The following IRF2 variants were observed in gnomAD, a reference collection of about 807,000 sequenced individuals.
IRF2 encodes interferon regulatory factor 2.
Under a neutral mutation model 40.6 loss-of-function variants are expected in IRF2, and 15 were observed. The ratio of observed to expected loss-of-function variants is 0.37; its 90% CI spans 0.25 to 0.57. IRF2 has a LOEUF of 0.57. IRF2 is among the 20% of genes least tolerant of loss of function. The probability of loss-of-function intolerance (pLI) is 0.77; values close to 1 mark genes in which losing one functional copy is unlikely to be tolerated. For missense variants in IRF2, 317 were observed against 455.7 expected, an observed-to-expected ratio of 0.70 and a Z score of 2.77; for synonymous variants, 151 against 165.5, an observed-to-expected ratio of 0.91 and a Z score of 0.67.
At chr4:184,394,322 G>A (rs1372198532) in intron 7 of IRF2, among the ~76,000 whole-genome samples, 1 of 152,160 alleles carries the variant, frequency 6.6e-6, no homozygotes, top group Non-Finnish European at 1.5e-5. Flanking sequence ...TTAACGCCTC[G>A]CTGAGGATAT....
At position 184,413,833 on chromosome 4, in the gene IRF2, T is replaced by A. The variant is rs1469606115; in HGVS notation, c.411+4334A>T. Among the ~76,000 whole-genome samples the A allele has an allele frequency of 6.6e-6, 1 of 152,208 alleles. No individual in the cohort carries two copies. The highest frequency in any genetic ancestry group is 2.4e-5 in the African/African-American group (1 of 41,448). On this transcript the variant is annotated intron_variant, in intron 5 of 8. Transcript: ENST00000393593. The surrounding 1 kb of genome is among the most constrained non-coding windows in gnomAD (Gnocchi z 4.2). ...ATTCGCCCCACCTACATGCCTGTATTTCCCATTGCCCTCTCACACAAACTC... is the reference window on the plus strand; with the variant it reads ...ATTCGCCCCACCTACATGCCTGTATATCCCATTGCCCTCTCACACAAACTC...
At chr4:184,435,957 T>A (rs572237641) in intron 1 of IRF2, among the ~76,000 whole-genome samples, 1 of 150,950 alleles carries the variant, frequency 6.6e-6, no homozygotes, top group East Asian at 2.0e-4. Flanking sequence ...CTGGAGCTTT[T>A]CTTTTTTCTT....
intron 7 of IRF2, among the ~76,000 whole-genome samples, chr4:184,394,647 T>C (rs1451897029): frequency 2.6e-5 from 4 of 151,776 alleles, no homozygotes; most frequent in Admixed American, 6.6e-5. Flanking sequence ...ACTCTCTCAT[T>C]ATAGCCAGTG....
In IRF2 at chr4:184,424,922, T is replaced by C. The variant is rs78936144; in HGVS notation, c.87+4056A>G. Among the ~76,000 whole-genome samples, 728 of 152,324 alleles carry C rather than the reference T, an allele frequency of 4.8e-3. 6 individuals carry two copies. Among genetic ancestry groups the C allele is most frequent in the African/African-American group, 0.017 (693 of 41,568 alleles). On this transcript the variant is annotated intron_variant, in intron 2 of 8. Coordinates refer to ENST00000393593, the MANE Select transcript of IRF2 (RefSeq NM_002199.4). ...TAACAGAACAAAAACACCACCAATG[T>C]TGCTCCCCTTCAAATCCATGACATT...
At chr4:184,436,544 T>G (rs1316238259) in intron 1 of IRF2, among the ~76,000 whole-genome samples, 1 of 152,210 alleles carries the variant, frequency 6.6e-6, no homozygotes, top group Non-Finnish European at 1.5e-5. Context: ...AGTTAGGTAG[T>G]TCATAAGGAA....
chr4:184,388,726 A>C lies in IRF2; in HGVS notation c.*32T>G, dbSNP rs375994580. 3.8e-5 allele frequency: 59 copies of C among 1,568,230 alleles called. No individual in the cohort carries two copies. The African/African-American group carries it at 8.0e-4, about 21-fold the overall frequency. On this transcript the variant is annotated 3_prime_UTR_variant, in exon 9 of 9. Transcript: ENST00000393593. This position sits in a 1 kb window ranked among gnomAD's most constrained non-coding sequence, Gnocchi z 4.6. Reference sequence around the variant, plus strand: ...AACAAACAACAAAACAAAGCCAAGAAGCCCCAACAACCACCGCGGAGAGTC... The same window carrying C: ...AACAAACAACAAAACAAAGCCAAGACGCCCCAACAACCACCGCGGAGAGTC...
intron 1 of IRF2, among the ~76,000 whole-genome samples, chr4:184,444,466 T>TA (rs1738431230): frequency 6.6e-6 from 1 of 152,160 alleles, no homozygotes; most frequent in Admixed American, 6.5e-5. Context: ...TGGTTTGCGG[T>TA]AAGGATTAAA....
Position 184,458,156 on chromosome 4 carries a change from C to A in IRF2, c.-7+16223G>T, listed in dbSNP as rs996112287. On this transcript the variant is annotated intron_variant, in intron 1 of 8. Transcript: ENST00000393593. ...TCAGAAGTCAGTGGTGAGGCACGCCCCAGTTTCTCTGGTCAAAGACGTAAT... is the reference window on the plus strand; with the variant it reads ...TCAGAAGTCAGTGGTGAGGCACGCCACAGTTTCTCTGGTCAAAGACGTAAT... 2.2e-4 allele frequency among the ~76,000 whole-genome samples: 33 copies of A among 152,338 alleles called. No homozygotes were observed. The East Asian group carries it at 6.2e-3, about 28-fold the overall frequency.
chr4:184,421,403 G>A (rs1206866997), intron 2 of IRF2, among the ~76,000 whole-genome samples: 1 of 152,112 alleles, frequency 6.6e-6, no homozygotes, highest in Non-Finnish European at 1.5e-5. Context: ...ATTTCAAAAG[G>A]ACAGTGATCA....
intron 6 of IRF2, among the ~76,000 whole-genome samples, chr4:184,404,860 TG>T (rs1470566751): frequency 6.6e-6 from 1 of 151,742 alleles, no homozygotes; most frequent in African/African-American, 2.4e-5. Context: ...GAGGCAAGAG[TG>T]GGACAGGGCA....
chr4:184,444,760 G>A (rs1017637414), intron 1 of IRF2, among the ~76,000 whole-genome samples: 2 of 152,188 alleles, frequency 1.3e-5, no homozygotes, highest in Non-Finnish European at 2.9e-5. Flanking sequence ...CATGCTACTT[G>A]CAACAGTGCA....
chr4:184,421,194 C>A (rs1283131600), intron 2 of IRF2, among the ~76,000 whole-genome samples: 2 of 152,206 alleles, frequency 1.3e-5, no homozygotes, highest in African/African-American at 4.8e-5. Context: ...AGATTCAGCG[C>A]CTCTCCACAG....
chr4:184,437,497 C>G (rs1400617864), intron 1 of IRF2, among the ~76,000 whole-genome samples: 3 of 152,098 alleles, frequency 2.0e-5, no homozygotes, highest in Non-Finnish European at 4.4e-5. Context: ...CCGTGCCCAG[C>G]CTATTATCAT....
chr4:184,447,745 C>T (rs921856011), intron 1 of IRF2, among the ~76,000 whole-genome samples: 8 of 152,190 alleles, frequency 5.3e-5, no homozygotes, highest in African/African-American at 1.9e-4. Context: ...TAACCAGAAA[C>T]GTCAACAAGC....
In IRF2 at chr4:184,398,953, A is replaced by C. The variant is rs1431255877; in HGVS notation, c.656T>G (p.Leu219Arg). 2 of 1,612,652 alleles carry C rather than the reference A, an allele frequency of 1.2e-6. No homozygotes were observed. Among genetic ancestry groups the C allele is most frequent in the African/African-American group, 2.7e-5 (2 of 74,780 alleles). ...SDEQPVSMSE[L>R]YPLQISPVSS... ...CACGGGGGAGATCTGCAGAGGGTAG[A>C]GCTCGCTCATGCTGACCGGCTGCTC... The change falls in exon 7 of 9, where the codon CTC (leucine) becomes CGC (arginine). Residue 219 changes from leucine to arginine, a missense_variant. This residue lies in a region of IRF2 where 262 missense variants were observed against 334.0 expected (regional missense o/e 0.78). Coordinates refer to ENST00000393593, the MANE Select transcript of IRF2 (RefSeq NM_002199.4).
At chr4:184,441,665 C>T (rs938313802) in intron 1 of IRF2, among the ~76,000 whole-genome samples, 10 of 152,136 alleles carry the variant, frequency 6.6e-5, no homozygotes, top group Admixed American at 1.3e-4. Flanking sequence ...GTCCCACTTA[C>T]CAGGATGTTG....
At chr4:184,462,452 A>G (rs1739179396) in intron 1 of IRF2, among the ~76,000 whole-genome samples, 1 of 152,246 alleles carries the variant, frequency 6.6e-6, no homozygotes, top group Non-Finnish European at 1.5e-5. Flanking sequence ...CAAAGAGAAC[A>G]AATGAAGGCA....
intron 7 of IRF2, among the ~76,000 whole-genome samples, chr4:184,396,958 A>G (rs941372829): frequency 1.3e-5 from 2 of 152,096 alleles, no homozygotes; most frequent in African/African-American, 4.8e-5. Flanking sequence ...ACAACAAACA[A>G]CAACAACAAC....
intron 1 of IRF2, among the ~76,000 whole-genome samples, chr4:184,469,105 T>C (rs906673355): frequency 1.3e-5 from 2 of 152,238 alleles, no homozygotes; most frequent in African/African-American, 4.8e-5. Flanking sequence ...CATGTGTTAC[T>C]ACATTTAACA....
Sources: gnomAD v4.1 joint callset for allele counts (sites outside exome capture counted in the v4.1 genomes callset) on GRCh38, gnomAD v4.1.1 for gene constraint, gnomAD v4.1.1 regional missense constraint, Gnocchi (gnomAD v3.1) non-coding constraint, MANE v1.5 for transcripts, NCBI Gene and HGNC (gene_info 2026-07-23, HGNC 2026-07-21) for gene names.